Variants in ME1 observed in about 807,000 individuals in gnomAD.
ME1 encodes NADP-dependent malic enzyme.
Under a neutral mutation model 66.4 loss-of-function variants are expected in ME1, and 74 were observed. The ratio of observed to expected loss-of-function variants is 1.11; its 90% CI spans 0.92 to 1.35. The LOEUF (loss-of-function observed/expected upper bound fraction) is 1.35, where lower values mean the gene tolerates loss of function less well. ME1 is among the 40% of genes most tolerant of loss of function. ME1 has a pLI of 0.00. For synonymous variants in ME1, 251 were observed against 235.6 expected, an observed-to-expected ratio of 1.07 and a Z score of -0.60; for missense variants, 750 against 694.1, an observed-to-expected ratio of 1.08 and a Z score of -0.90.
chr6:83,274,276 T>A (rs950968295), intron 6 of ME1, among the ~76,000 whole-genome samples: 1 of 152,140 alleles, frequency 6.6e-6, no homozygotes, highest in African/African-American at 2.4e-5. Flanking sequence ...AAAGAACATG[T>A]TTGATAAAAA....
intron 7 of ME1, among the ~76,000 whole-genome samples, chr6:83,245,167 G>A (rs745875422): frequency 6.6e-6 from 1 of 152,024 alleles, no homozygotes; most frequent in Non-Finnish European, 1.5e-5. Flanking sequence ...AGGGAAACAA[G>A]GTTGAGGCAA....
At chr6:83,357,935 C>CTCTCTCTATA (rs1447805761) in intron 3 of ME1, among the ~76,000 whole-genome samples, 8 of 30,040 alleles carry the variant, frequency 2.7e-4, no homozygotes, top group Non-Finnish European at 2.9e-4. Flanking sequence ...CTCTCTCTCT[C>CTCTCTCTATA]TATATATATA....
At chr6:83,225,808 T>TTATATATATATATATATATATATA (rs57577563) in intron 11 of ME1, among the ~76,000 whole-genome samples, 1 of 138,024 alleles carries the variant, frequency 7.2e-6, no homozygotes, top group African/African-American at 2.6e-5. Context: ...GCCTGTAACA[T>TTATATATATATATATATATATATA]TATATATATA....
intron 3 of ME1, among the ~76,000 whole-genome samples, chr6:83,383,087 C>T (rs1442856306): frequency 6.6e-6 from 1 of 151,748 alleles, no homozygotes; most frequent in East Asian, 1.9e-4. Context: ...ACTTGCGAGC[C>T]TCATGGGACA....
chr6:83,252,200 T>C (rs906174299), intron 7 of ME1, among the ~76,000 whole-genome samples: 3 of 151,668 alleles, frequency 2.0e-5, no homozygotes, highest in African/African-American at 7.3e-5. Flanking sequence ...GAAATAAGAG[T>C]TTGATTTGGG....
chr6:83,410,307 A>G (rs899826669), intron 1 of ME1, among the ~76,000 whole-genome samples: 5 of 152,184 alleles, frequency 3.3e-5, no homozygotes, highest in Admixed American at 3.3e-4. Flanking sequence ...ATTCAATTTT[A>G]GAGATATTAA....
In ME1 at chr6:83,241,828, T is replaced by C. The variant is rs543353721; in HGVS notation, c.815-2192A>G. 2.7e-3 allele frequency among the ~76,000 whole-genome samples: 418 copies of C among 152,248 alleles called. 4 individuals are homozygous for C. Among genetic ancestry groups the C allele is most frequent in the African/African-American group, 9.7e-3 (403 of 41,546 alleles). On this transcript the variant is annotated intron_variant, in intron 7 of 13. Transcript: ENST00000369705. Reference sequence around the variant, plus strand: ...TTATAAGTCAGACAGAATTCGTGCTTAGGTTTATCTTCATACTATCAGTTT... The same window carrying C: ...TTATAAGTCAGACAGAATTCGTGCTCAGGTTTATCTTCATACTATCAGTTT...
chr6:83,313,395 T>TTA (rs1319145702), intron 6 of ME1, among the ~76,000 whole-genome samples: 12 of 148,708 alleles, frequency 8.1e-5, no homozygotes, highest in African/African-American at 3.0e-4. Context: ...ATTCCACATT[T>TTA]AAAAAAAAAA....
intron 13 of ME1, among the ~76,000 whole-genome samples, chr6:83,212,877 A>G (rs1789920455): frequency 1.3e-5 from 2 of 152,174 alleles, no homozygotes; most frequent in African/African-American, 4.8e-5. Context: ...TCATGGGAGA[A>G]AATTTCAACT....
intron 7 of ME1, among the ~76,000 whole-genome samples, chr6:83,245,547 A>G (rs569077280): frequency 6.6e-6 from 1 of 152,202 alleles, no homozygotes; most frequent in South Asian, 2.1e-4. Flanking sequence ...CTAGGATTAC[A>G]GGCATGCACC....
At chr6:83,280,578 A>G (rs567251576) in intron 6 of ME1, among the ~76,000 whole-genome samples, 16 of 152,328 alleles carry the variant, frequency 1.1e-4, no homozygotes, top group African/African-American at 3.8e-4. Context: ...AATATCTGCT[A>G]AACTTCTCTT....
At chr6:83,305,615 A>C (rs1767809593) in intron 6 of ME1, among the ~76,000 whole-genome samples, 1 of 152,178 alleles carries the variant, frequency 6.6e-6, no homozygotes, top group Non-Finnish European at 1.5e-5. Flanking sequence ...ATGTGGGTGC[A>C]GGAGAGTGAG....
At chr6:83,251,088 G>A (rs1415504281) in intron 7 of ME1, among the ~76,000 whole-genome samples, 1 of 152,120 alleles carries the variant, frequency 6.6e-6, no homozygotes, top group Non-Finnish European at 1.5e-5. Flanking sequence ...ACTTTCTGTG[G>A]GCTTGGGGCT....
chr6:83,420,880 GTTT>G (rs1165760550), intron 1 of ME1, among the ~76,000 whole-genome samples: 2 of 151,876 alleles, frequency 1.3e-5, no homozygotes, highest in Admixed American at 6.6e-5. Context: ...TTGTTGTTGG[GTTT>G]TTTTGTTGTT....
intron 5 of ME1, among the ~76,000 whole-genome samples, chr6:83,316,935 G>C (rs900287375): frequency 1.3e-5 from 2 of 151,592 alleles, no homozygotes; most frequent in African/African-American, 4.8e-5. Flanking sequence ...ACTTAAATTG[G>C]GAATAACCTG....
Position 83,402,301 on chromosome 6 carries a change from G to T in ME1, c.213-3785C>A, listed in dbSNP as rs538885565. 2.0e-5 allele frequency among the ~76,000 whole-genome samples: 3 copies of T among 152,226 alleles called. No homozygotes were observed. In the East Asian group the frequency reaches 5.8e-4, roughly 29 times the overall value. Reference sequence around the variant, plus strand: ...TTTTTCTCATAGCCAGGATTCATAGGTCTAGGAATCAAGGGGTGGAAATGG... The same window carrying T: ...TTTTTCTCATAGCCAGGATTCATAGTTCTAGGAATCAAGGGGTGGAAATGG... On this transcript the variant is annotated intron_variant, in intron 2 of 13. Coordinates refer to ENST00000369705, the MANE Select transcript of ME1 (RefSeq NM_002395.6).
At chr6:83,259,950 C>T (rs1479357617) in intron 6 of ME1, among the ~76,000 whole-genome samples, 1 of 152,094 alleles carries the variant, frequency 6.6e-6, no homozygotes, top group African/African-American at 2.4e-5. Flanking sequence ...TCATGTTTTA[C>T]ACAAATTACT....
chr6:83,221,535 G>A (rs747210680), intron 12 of ME1, among the ~76,000 whole-genome samples: 10 of 152,104 alleles, frequency 6.6e-5, no homozygotes, highest in Non-Finnish European at 1.3e-4. Flanking sequence ...TGGAAAGGGG[G>A]TATCACTAAT....
chr6:83,289,713 G>A (rs1369517936), intron 6 of ME1, among the ~76,000 whole-genome samples: 2 of 152,138 alleles, frequency 1.3e-5, no homozygotes, highest in Admixed American at 1.3e-4. Context: ...AATGGTACCA[G>A]CTCCTCTTTG....
Sources: allele counts gnomAD v4.1 joint callset (sites outside exome capture counted in the v4.1 genomes callset), GRCh38; gene constraint gnomAD v4.1.1; transcripts MANE v1.5; gene names NCBI Gene and HGNC (gene_info 2026-07-23, HGNC 2026-07-21).